Variants in DENND5A observed in about 807,000 individuals in gnomAD.
The protein encoded by DENND5A is DENN domain containing 5A, also known as DENN domain-containing protein 5A.
Under a neutral mutation model 140.3 loss-of-function variants are expected in DENND5A, and 64 were observed. The observed-to-expected ratio is 0.46, with a 90% confidence interval of 0.37 to 0.56. The LOEUF is 0.56. Ranked by LOEUF, DENND5A falls within the 20% of genes least tolerant of loss-of-function variation. DENND5A has a pLI of 0.00. For missense variants in DENND5A, 1,292 were observed against 1,593.8 expected, an observed-to-expected ratio of 0.81 and a Z score of 3.22; for synonymous variants, 605 against 607.7, an observed-to-expected ratio of 1.00 and a Z score of 0.07.
At chr11:9,208,798 C>T (rs941989574) in intron 1 of DENND5A, among the ~76,000 whole-genome samples, 1 of 148,922 alleles carries the variant, frequency 6.7e-6, no homozygotes, top group Non-Finnish European at 1.5e-5. Context: ...AAATTTCGTC[C>T]CTCAAAATAC....
chr11:9,163,149 T>C (rs959186738), intron 11 of DENND5A, among the ~76,000 whole-genome samples: 1 of 152,230 alleles, frequency 6.6e-6, no homozygotes. Flanking sequence ...ATTGGCTTTC[T>C]CAACTGATTG....
chr11:9,169,658 C>T (rs1848306883), intron 10 of DENND5A, among the ~76,000 whole-genome samples, 198 bp downstream of exon 10: 1 of 151,948 alleles, frequency 6.6e-6, no homozygotes, highest in Admixed American at 6.6e-5. Flanking sequence ...CTGGAATTTG[C>T]AAAACATCCC....
intron 1 of DENND5A, among the ~76,000 whole-genome samples, chr11:9,239,228 C>G (rs1231750743): frequency 2.0e-5 from 3 of 151,884 alleles, no homozygotes; most frequent in Non-Finnish European, 4.4e-5. Flanking sequence ...ACAGGAGCCT[C>G]ACAACGTTGC....
chr11:9,208,750 T>C (rs955556427), intron 1 of DENND5A, among the ~76,000 whole-genome samples: 3 of 152,356 alleles, frequency 2.0e-5, no homozygotes, highest in Non-Finnish European at 4.4e-5. Flanking sequence ...TCCTGATCCT[T>C]CTTCCAAACA....
intron 1 of DENND5A, among the ~76,000 whole-genome samples, chr11:9,257,356 G>A (rs985707369): frequency 6.6e-6 from 1 of 150,794 alleles, no homozygotes; most frequent in African/African-American, 2.4e-5. Context: ...CTACGGGCCT[G>A]GGAGGTCGAG....
chr11:9,189,791 C>A (rs1465531216), intron 5 of DENND5A, among the ~76,000 whole-genome samples: 1 of 152,188 alleles, frequency 6.6e-6, no homozygotes, highest in African/African-American at 2.4e-5. Context: ...CAGGCTTGTG[C>A]CACCATGCCC....
chr11:9,178,215 A>T lies in DENND5A; in HGVS notation c.1823T>A (p.Val608Asp). 1 of 1,614,148 alleles carries T rather than the reference A, an allele frequency of 6.2e-7. No homozygotes were observed. Among genetic ancestry groups the T allele is most frequent in the Non-Finnish European group, 8.5e-7 (1 of 1,180,000 alleles). The change falls in exon 8 of 23, where the codon GTT becomes GAT. Residue 608 changes from valine (V) to aspartate (D), a missense_variant. Val to Asp is a radical substitution (Grantham distance 152). Around this residue, in one of 4 missense-constraint regions of DENND5A, gnomAD observed 199 missense variants for 189.1 expected, o/e 1.05. Coordinates refer to ENST00000328194, the MANE Select transcript of DENND5A (RefSeq NM_015213.4). ...AACATTCAACAGCCTGATCTTGTCA[A>T]CTCGGGAATCAAATACCCGGAGTAC... ...DPVLRVFDSRVDKIRLLNVRT... is the reference protein window; with the variant it reads ...DPVLRVFDSRDDKIRLLNVRT...
intron 1 of DENND5A, among the ~76,000 whole-genome samples, chr11:9,224,649 A>G (rs918223116): frequency 3.3e-5 from 5 of 152,078 alleles, no homozygotes; most frequent in African/African-American, 9.7e-5. Flanking sequence ...TCACGAGGTC[A>G]GGAGTTCGAG....
chr11:9,179,026 C>T lies in DENND5A; in HGVS notation c.1503G>A (p.Gln501=). The T allele has an allele frequency of 6.2e-7, 1 of 1,614,144 alleles. No homozygotes were observed. The highest frequency in any genetic ancestry group is 8.5e-7 in the Non-Finnish European group (1 of 1,180,016). The change falls in exon 7 of 23, where the codon CAG becomes CAA. Residue 501 remains glutamine (Q), a synonymous_variant. Coordinates refer to ENST00000328194, the MANE Select transcript of DENND5A (RefSeq NM_015213.4). ...AAATCCTGAGTTCTTCTTCATCACA[C>T]TGAACTTTGAGATCCTTATTGCTGC... The part of the protein sequence containing the change: ...DPSSNKDLKV[Q]CDEEELRIYQ...
At chr11:9,217,080 A>G (rs1432945014) in intron 1 of DENND5A, among the ~76,000 whole-genome samples, 1 of 152,218 alleles carries the variant, frequency 6.6e-6, no homozygotes, top group Non-Finnish European at 1.5e-5. Flanking sequence ...GCTGATGAAC[A>G]GATGAATGAA....
intron 1 of DENND5A, among the ~76,000 whole-genome samples, chr11:9,252,127 A>T (rs1851750188): frequency 6.7e-6 from 1 of 150,174 alleles, no homozygotes; most frequent in Non-Finnish European, 1.5e-5. Context: ...GTGAAACCGC[A>T]TGTCTACTAA....
chr11:9,182,184 T>C (rs1339615726), intron 5 of DENND5A, among the ~76,000 whole-genome samples: 2 of 152,058 alleles, frequency 1.3e-5, no homozygotes, highest in Non-Finnish European at 2.9e-5. Flanking sequence ...GGTGTGGTGA[T>C]GGGCACCTGT....
At chr11:9,164,926 G>A (rs1848134486) in intron 11 of DENND5A, among the ~76,000 whole-genome samples, 1 of 152,160 alleles carries the variant, frequency 6.6e-6, no homozygotes, top group African/African-American at 2.4e-5. Context: ...GGACTTCAAG[G>A]CGAGCCTGGG....
chr11:9,225,773 ATAAG>A, intron 1 of DENND5A, among the ~76,000 whole-genome samples: 1 of 150,448 alleles, frequency 6.6e-6, no homozygotes, highest in South Asian at 2.1e-4. Flanking sequence ...AAAAATATAT[ATAAG>A]TAATAATAAT....
intron 5 of DENND5A, among the ~76,000 whole-genome samples, chr11:9,186,455 T>C (rs2136185715): frequency 6.6e-6 from 1 of 152,280 alleles, no homozygotes; most frequent in East Asian, 1.9e-4. Context: ...ATGCAATCAT[T>C]TACCTCCTCA....
chr11:9,152,777 G>A (rs1847664572), intron 12 of DENND5A, among the ~76,000 whole-genome samples: 1 of 152,046 alleles, frequency 6.6e-6, no homozygotes. Context: ...GCCGAGGCGG[G>A]CAGATCACTT....
Position 9,256,850 on chromosome 11 carries a change from A to G in DENND5A, c.109+8111T>C, listed in dbSNP as rs563086688. ...GATTGTAAAACTAATTGTAAAAATA[A>G]ATTAAAAATCACTGAAATAAGTGAA... On this transcript the variant is annotated intron_variant, in intron 1 of 22. Coordinates refer to ENST00000328194, the MANE Select transcript of DENND5A (RefSeq NM_015213.4). Among the ~76,000 whole-genome samples, 18 of 152,300 alleles carry G rather than the reference A, an allele frequency of 1.2e-4. No homozygotes were observed. The South Asian group carries it at 3.3e-3, about 28-fold the overall frequency.
At chr11:9,242,068 T>A (rs1245395916) in intron 1 of DENND5A, among the ~76,000 whole-genome samples, 1 of 151,074 alleles carries the variant, frequency 6.6e-6, no homozygotes, top group Non-Finnish European at 1.5e-5. Flanking sequence ...TGCCCTAACA[T>A]TCCTGATCCC....
Position 9,140,459 on chromosome 11 carries a change from T to C in DENND5A, c.3681-605A>G, listed in dbSNP as rs140558609. Among the ~76,000 whole-genome samples the C allele has an allele frequency of 4.1e-3, 621 of 152,300 alleles. 4 individuals carry two copies. Among genetic ancestry groups the C allele is most frequent in the Non-Finnish European group, 6.6e-3 (449 of 68,020 alleles). On this transcript the variant is annotated intron_variant, in intron 22 of 22. Transcript: ENST00000328194. Reference sequence around the variant, plus strand: ...CCTGAATAAACTGCCTTAAGTTTATTTGAGCTTCATGCTCTCTCACCTGAC... The same window carrying C: ...CCTGAATAAACTGCCTTAAGTTTATCTGAGCTTCATGCTCTCTCACCTGAC...
Sources: gnomAD v4.1 joint callset for allele counts (sites outside exome capture counted in the v4.1 genomes callset) on GRCh38, gnomAD v4.1.1 for gene constraint, gnomAD v4.1.1 regional missense constraint, MANE v1.5 for transcripts, NCBI Gene and HGNC (gene_info 2026-07-23, HGNC 2026-07-21) for gene names.